Variants in ALDH1L1 observed in about 807,000 individuals in gnomAD.
ALDH1L1 encodes the protein cytosolic 10-formyltetrahydrofolate dehydrogenase.
A neutral mutation model predicts 101.1 loss-of-function variants in ALDH1L1; 68 were observed. That is an observed-to-expected ratio of 0.67 (90% CI 0.55 to 0.82). The LOEUF (loss-of-function observed/expected upper bound fraction) is 0.82. ALDH1L1 is among the 40% of genes least tolerant of loss of function. ALDH1L1 has a pLI of 0.00. For synonymous variants in ALDH1L1, 486 were observed against 470.8 expected (o/e 1.03, Z -0.42); for missense variants, 1,087 against 1,172.7 (o/e 0.93, Z 1.07).
At chr3:126,121,213 G>A (rs186619932) in intron 16 of ALDH1L1, among the ~76,000 whole-genome samples, 6 of 152,234 alleles carry the variant, frequency 3.9e-5, no homozygotes, top group Non-Finnish European at 5.9e-5. Context: ...CCTTTTAGAC[G>A]GAGCATGGCC....
At chr3:126,108,708 G>A (rs981943788) in intron 20 of ALDH1L1, among the ~76,000 whole-genome samples, 1 of 152,234 alleles carries the variant, frequency 6.6e-6, no homozygotes, top group Non-Finnish European at 1.5e-5. Context: ...TCTCCAGGTG[G>A]GGACACTGGA....
At chr3:126,182,538 G>A (rs1475976292), upstream of ALDH1L1, among the ~76,000 whole-genome samples, 2 of 152,140 alleles carry the variant, frequency 1.3e-5, no homozygotes, top group African/African-American at 4.8e-5. Context: ...TTATTCTCCT[G>A]GGAAGTCCCC....
At position 126,154,626 on chromosome 3, in the gene ALDH1L1, C is replaced by T. The variant is rs143206525; in HGVS notation, c.648G>A (p.Pro216=). 92 of 1,614,086 alleles carry T rather than the reference C, an allele frequency of 5.7e-5. No homozygotes were observed. In the East Asian group the frequency reaches 9.4e-4, roughly 16 times the overall value. ...GGATCCAGTTGTGAATGGCCTCTGCCGGCTGGTCCCAGTTGATCTGTGGGG... is the reference window on the plus strand; with the variant it reads ...GGATCCAGTTGTGAATGGCCTCTGCTGGCTGGTCCCAGTTGATCTGTGGGG... ...KETAKINWDQ[P]AEAIHNWIRG... The change falls in exon 6 of 23, where the codon CCG becomes CCA. Residue 216 remains proline, a synonymous_variant. Coordinates refer to ENST00000393434, the MANE Select transcript of ALDH1L1 (RefSeq NM_012190.4).
At chr3:126,172,954 A>G (rs1460259453) in intron 1 of ALDH1L1, among the ~76,000 whole-genome samples, 2 of 152,242 alleles carry the variant, frequency 1.3e-5, no homozygotes, top group African/African-American at 2.4e-5. Context: ...AGAATTATTT[A>G]AAGAACTGAA....
intron 12 of ALDH1L1, 128 bp from the exon 13 acceptor site, chr3:126,131,662 G>A (rs2305225): frequency 0.62 from 662,733 of 1,073,240 alleles, 206,300 homozygotes; most frequent in Middle Eastern, 0.65. Context: ...TCAGATGTGC[G>A]GACCTCCGTT....
chr3:126,105,650 C>T (rs1475674412), intron 22 of ALDH1L1, 76 bp downstream of exon 22: 2 of 1,521,070 alleles, frequency 1.3e-6, no homozygotes, highest in Non-Finnish European at 1.8e-6. Context: ...GAGATAGGAC[C>T]TGGCCCTAAG....
At position 126,135,676 on chromosome 3, in the gene ALDH1L1, A is replaced by G; in HGVS notation, c.1345-14T>C. 6.6e-7 allele frequency: 1 copy of G among 1,518,294 alleles called. No homozygotes were observed. The highest frequency in any genetic ancestry group is 8.9e-7 in the Non-Finnish European group (1 of 1,129,206). The allele number at this position is 1,518,294 out of a possible 1,614,324, so 94.1% of individuals were successfully genotyped here. On this transcript the variant is annotated splice_polypyrimidine_tract_variant and intron_variant, in intron 11 of 22. Transcript: ENST00000393434. ...CTGGCAGATGACCTATAGTGGAAGC[A>G]GAGCCATGACAAGTTCTCCCTAAGC...
rs2080302087 is a variant in ALDH1L1 at position 126,131,428 on chromosome 3, T to C, written c.1579A>G (p.Ile527Val). The change falls in exon 13 of 23, where the codon ATC (isoleucine) becomes GTC (valine). Residue 527 changes from isoleucine (I) to valine (V), a missense_variant. By Grantham distance (29) the Ile-to-Val change is conservative. Around this residue, in one of 2 missense-constraint regions of ALDH1L1, gnomAD observed 442 missense variants for 535.7 expected, o/e 0.83. Transcript: ENST00000393434. ...CCAGCAAAGTAGCGGAAGGTCTGGATGGACATGCCCACGTGGGTCTTCAGG... is the reference window on the plus strand; with the variant it reads ...CCAGCAAAGTAGCGGAAGGTCTGGACGGACATGCCCACGTGGGTCTTCAGG... ...LALKTHVGMSIQTFRYFAGWC... is the reference protein window; with the variant it reads ...LALKTHVGMSVQTFRYFAGWC... 6.2e-7 allele frequency: 1 copy of C among 1,612,796 alleles called. No individual in the cohort carries two copies. Among genetic ancestry groups the C allele is most frequent in the Non-Finnish European group, 8.5e-7 (1 of 1,179,010 alleles).
chr3:126,149,635 C>T (rs547930810), intron 8 of ALDH1L1, among the ~76,000 whole-genome samples: 2 of 152,326 alleles, frequency 1.3e-5, no homozygotes, highest in South Asian at 4.1e-4. Context: ...TGCCTCATGT[C>T]CATCCTTGCT....
chr3:126,116,478 T>C (rs1339587486), intron 17 of ALDH1L1, among the ~76,000 whole-genome samples: 2 of 152,200 alleles, frequency 1.3e-5, no homozygotes, highest in Non-Finnish European at 2.9e-5. Flanking sequence ...CCAAACCCTC[T>C]GTCCAGCTCT....
intron 6 of ALDH1L1, among the ~76,000 whole-genome samples, chr3:126,154,273 G>A (rs1469750801): frequency 6.6e-6 from 1 of 152,148 alleles, no homozygotes; most frequent in Non-Finnish European, 1.5e-5. Flanking sequence ...GCCCAGTGGT[G>A]AGACTCAAAA....
Position 126,105,890 on chromosome 3 carries a change from G to A in ALDH1L1, c.2489C>T (p.Thr830Met), listed in dbSNP as rs538821586. Residue 830 changes from threonine to methionine, a missense_variant, in exon 22 of 23, where the codon ACG (threonine) becomes ATG (methionine). Physicochemically the swap from Thr to Met is moderately conservative, Grantham distance 81 (BLOSUM62 -1). Transcript: ENST00000393434. ...LDAVLSRANATEFGLASGVFT... is the reference protein window; with the variant it reads ...LDAVLSRANAMEFGLASGVFT... ...GACACCAGAAGCCAGGCCAAATTCC[G>A]TGGCATTGGCCCGAGACAGCACGGC... is the stretch of plus-strand genomic sequence containing the variant. 6.8e-6 allele frequency: 11 copies of A among 1,614,122 alleles called. No homozygotes were observed. The highest frequency in any genetic ancestry group is 5.0e-5 in the Admixed American group (3 of 60,030).
At chr3:126,116,836 C>A (rs926668370) in intron 17 of ALDH1L1, among the ~76,000 whole-genome samples, 14 of 151,962 alleles carry the variant, frequency 9.2e-5, no homozygotes, top group African/African-American at 3.4e-4. Flanking sequence ...TGGTGGGGGA[C>A]CCAAGGCATG....
intron 10 of ALDH1L1, 54 bp from the exon 11 acceptor site, chr3:126,136,937 T>C (rs1379325591): frequency 1.0e-5 from 16 of 1,606,458 alleles, no homozygotes; most frequent in South Asian, 2.2e-5. Context: ...GCAGGAAGCA[T>C]ACACAGATGG....
intron 1 of ALDH1L1, among the ~76,000 whole-genome samples, chr3:126,191,285 T>C (rs563347744): frequency 5.3e-5 from 8 of 152,222 alleles, no homozygotes; most frequent in Admixed American, 1.3e-4. Context: ...AAAAGTTCAT[T>C]CCCTAAGACT....
At chr3:126,168,470 T>A (rs998059164) in intron 1 of ALDH1L1, among the ~76,000 whole-genome samples, 1 of 152,188 alleles carries the variant, frequency 6.6e-6, no homozygotes, top group African/African-American at 2.4e-5. Flanking sequence ...AAAATTTTCC[T>A]GTAATACAAA....
chr3:126,163,699 C>T (rs1015583763), intron 1 of ALDH1L1, among the ~76,000 whole-genome samples: 2 of 152,148 alleles, frequency 1.3e-5, no homozygotes, highest in African/African-American at 2.4e-5. Context: ...TGTGGTGGAT[C>T]ATAATGATTG....
intron 15 of ALDH1L1, among the ~76,000 whole-genome samples, chr3:126,125,111 C>G (rs998887892): frequency 6.6e-6 from 1 of 152,238 alleles, no homozygotes; most frequent in East Asian, 1.9e-4. Context: ...CTGGGTGACC[C>G]CTGACATCCC....
At position 126,136,780 on chromosome 3, in the gene ALDH1L1, T is replaced by C. The variant is rs754795247; in HGVS notation, c.1328A>G (p.Asn443Ser). 48 of 1,578,166 alleles carry C rather than the reference T, an allele frequency of 3.0e-5. No homozygotes were observed. The highest frequency in any genetic ancestry group is 4.6e-5 in the East Asian group (2 of 43,532). The part of the protein sequence containing the change: ...AEGAKTSETI[N>S]PTDGSVICQV... The stretch of plus-strand genomic sequence containing the variant: ...TGCACTCACACTTCCATCGGTGGGA[T>C]TGATGGTCTCAGAGGTCTTGGCGCC... Residue 443 changes from asparagine (N) to serine (S), a missense_variant, in exon 11 of 23, where the codon AAT becomes AGT. Asn to Ser is a conservative substitution (Grantham distance 46, BLOSUM62 1). Transcript: ENST00000393434.
Sources: allele counts gnomAD v4.1 joint callset (sites outside exome capture counted in the v4.1 genomes callset), GRCh38; gene constraint gnomAD v4.1.1; regional missense constraint gnomAD v4.1.1; transcripts MANE v1.5; gene names NCBI Gene and HGNC (gene_info 2026-07-23, HGNC 2026-07-21).